The following CTIF variants were observed in gnomAD, a reference collection of about 807,000 sequenced individuals.
CTIF encodes cap binding complex dependent translation initiation factor.
Under a neutral mutation model 66.0 loss-of-function variants are expected in CTIF, and 21 were observed. The observed-to-expected ratio is 0.32, with a 90% CI of 0.23 to 0.46. The LOEUF (loss-of-function observed/expected upper bound fraction) is 0.46. Ranked by LOEUF, CTIF falls within the 20% of genes least tolerant of loss-of-function variation. The probability of loss-of-function intolerance (pLI) is 1.00; values close to 1 mark genes in which losing one functional copy is unlikely to be tolerated. For synonymous variants in CTIF, 345 were observed against 326.4 expected, an observed-to-expected ratio of 1.06 and a Z score of -0.62; for missense variants, 739 against 812.7, an observed-to-expected ratio of 0.91 and a Z score of 1.10.
intron 6 of CTIF, among the ~76,000 whole-genome samples, chr18:48,680,419 A>G (rs2091720639): frequency 6.6e-6 from 1 of 152,278 alleles, no homozygotes; most frequent in African/African-American, 2.4e-5. Context: ...GGCCAAGGCC[A>G]TCACACAGAC....
At chr18:48,767,195 A>G (rs1909651074) in intron 9 of CTIF, among the ~76,000 whole-genome samples, 1 of 152,216 alleles carries the variant, frequency 6.6e-6, no homozygotes. Context: ...TGCCTGGGTT[A>G]GAGAAGGAAC....
intron 7 of CTIF, among the ~76,000 whole-genome samples, chr18:48,717,885 A>G (rs1476092268): frequency 3.9e-5 from 6 of 151,976 alleles, no homozygotes; most frequent in East Asian, 1.9e-4. Context: ...ACCCGCCACC[A>G]CACCTGACTA....
At chr18:48,845,936 A>G (rs900019200) in intron 10 of CTIF, among the ~76,000 whole-genome samples, 4 of 151,936 alleles carry the variant, frequency 2.6e-5, no homozygotes, top group Non-Finnish European at 4.4e-5. Flanking sequence ...AGCCACCCCA[A>G]TTTTGCACAG....
intron 1 of CTIF, among the ~76,000 whole-genome samples, chr18:48,582,498 C>T (rs1484903806): frequency 2.0e-5 from 3 of 152,106 alleles, no homozygotes; most frequent in Non-Finnish European, 2.9e-5. Flanking sequence ...CATAGGACCA[C>T]GTCATGCCCT....
chr18:48,669,248 C>T (rs1407186093), intron 5 of CTIF, among the ~76,000 whole-genome samples: 1 of 152,002 alleles, frequency 6.6e-6, no homozygotes, highest in Non-Finnish European at 1.5e-5. Flanking sequence ...AATGTTTAAA[C>T]AATGAACTAG....
rs563867171 is a variant in CTIF at position 48,540,949 on chromosome 18, C to T, written c.-29+1637C>T. Among the ~76,000 whole-genome samples, 106 of 152,234 alleles carry T rather than the reference C, an allele frequency of 7.0e-4. 5 individuals are homozygous for T. In the South Asian group the frequency reaches 0.02, roughly 29 times the overall value. ...GTCTTCGGTGCAGGAGTCCCAGGTC[C>T]GCTGTGCGGCCGGAGTCACACAGCC... On this transcript the variant is annotated intron_variant, in intron 1 of 11. Transcript: ENST00000256413.
At chr18:48,593,747 T>TG (rs1491404073) in intron 1 of CTIF, among the ~76,000 whole-genome samples, 3 of 130,290 alleles carry the variant, frequency 2.3e-5, no homozygotes, top group African/African-American at 6.1e-5. Context: ...GTTTTTTGTT[T>TG]GTTTTTTTTT....
At chr18:48,622,499 G>A (rs181899377) in intron 2 of CTIF, among the ~76,000 whole-genome samples, 9 of 152,248 alleles carry the variant, frequency 5.9e-5, no homozygotes, top group Admixed American at 1.3e-4. Context: ...TGATACAGGA[G>A]AAAAGTCCTT....
intron 6 of CTIF, among the ~76,000 whole-genome samples, chr18:48,692,092 G>A (rs1326241530): frequency 6.6e-6 from 1 of 152,154 alleles, no homozygotes; most frequent in African/African-American, 2.4e-5. Flanking sequence ...ATGTTGGCCA[G>A]GTTGGTCTCA....
intron 9 of CTIF, among the ~76,000 whole-genome samples, chr18:48,803,397 T>G (rs2068083429): frequency 6.6e-6 from 1 of 152,228 alleles, no homozygotes; most frequent in South Asian, 2.1e-4. Flanking sequence ...TCATGTCCAT[T>G]GATTAGAGCA....
chr18:48,757,541 G>A (rs1542593), intron 7 of CTIF, among the ~76,000 whole-genome samples: 15,525 of 152,246 alleles, frequency 0.1, 880 homozygotes, highest in Non-Finnish European at 0.12. Flanking sequence ...ATTCACACAC[G>A]TGGAACGGCT....
In CTIF at chr18:48,800,148, G is replaced by A. The variant is rs1009984321; in HGVS notation, c.1372-17073G>A. On this transcript the variant is annotated intron_variant, in intron 9 of 11. Transcript: ENST00000256413. ...GGGTGAAGGTGGGGCACCTTGGTAT[G>A]CATGGTGACAGGATGGATTTTTCTT... Among the ~76,000 whole-genome samples, 3 of 152,338 alleles carry A rather than the reference G, an allele frequency of 2.0e-5. No individual in the cohort carries two copies. The East Asian group carries it at 5.8e-4, about 29-fold the overall frequency.
At chr18:48,652,597 C>T (rs144521366) in intron 3 of CTIF, among the ~76,000 whole-genome samples, 19 of 151,666 alleles carry the variant, frequency 1.3e-4, no homozygotes, top group Non-Finnish European at 2.2e-4. Flanking sequence ...CTATTCCAAT[C>T]GAAAAACAGG....
At chr18:48,793,052 G>T (rs576516395) in intron 9 of CTIF, among the ~76,000 whole-genome samples, 1 of 152,162 alleles carries the variant, frequency 6.6e-6, no homozygotes, top group Admixed American at 6.5e-5. Context: ...TAGAGCAGAA[G>T]CTGTGTCTCC....
chr18:48,775,475 G>A (rs1568209349), intron 9 of CTIF, among the ~76,000 whole-genome samples: 1 of 152,242 alleles, frequency 6.6e-6, no homozygotes, highest in African/African-American at 2.4e-5. Flanking sequence ...GGCACAGTAG[G>A]ACTTGAGGTT....
At chr18:48,547,102 A>C (rs951027513) in intron 1 of CTIF, among the ~76,000 whole-genome samples, 2 of 152,102 alleles carry the variant, frequency 1.3e-5, no homozygotes, top group African/African-American at 4.8e-5. Flanking sequence ...TAAGTGAGGG[A>C]GGAGAGAGAA....
rs1599177125 is a variant in CTIF at position 48,857,641 on chromosome 18, G to A, written c.1581G>A (p.Glu527=). 6.2e-7 allele frequency: 1 copy of A among 1,605,544 alleles called. No individual in the cohort carries two copies. The highest frequency in any genetic ancestry group is 8.5e-7 in the Non-Finnish European group (1 of 1,175,854). Residue 527 remains glutamate (E), a splice_region_variant and synonymous_variant, in exon 11 of 12, where the codon GAG becomes GAA. Transcript: ENST00000256413. ...KEDAVLCCSM[E]LQSTGRLLEE... ...ATGCTGTCCTTTGCTGCTCTATGGAGGTAAGCTTTGGGGCTTCGACATCCC... is the reference window on the plus strand; with the variant it reads ...ATGCTGTCCTTTGCTGCTCTATGGAAGTAAGCTTTGGGGCTTCGACATCCC...
chr18:48,664,532 C>G lies in CTIF; in HGVS notation c.412C>G (p.Pro138Ala). 6.2e-7 allele frequency: 1 copy of G among 1,612,346 alleles called. No individual in the cohort carries two copies. The highest frequency in any genetic ancestry group is 8.5e-7 in the Non-Finnish European group (1 of 1,179,944). The change falls in exon 5 of 12, where the codon CCA (proline) becomes GCA (alanine). Residue 138 changes from proline to alanine, a missense_variant. Coordinates refer to ENST00000256413, the MANE Select transcript of CTIF (RefSeq NM_014772.3). ...KVRHTPKQPL[P>A]HIDREGCGKG... Reference sequence around the variant, plus strand: ...CCGACACACGCCCAAGCAGCCCCTGCCACACATCGACCGCGAAGGGTAAGG... The same window carrying G: ...CCGACACACGCCCAAGCAGCCCCTGGCACACATCGACCGCGAAGGGTAAGG...
intron 9 of CTIF, among the ~76,000 whole-genome samples, chr18:48,799,987 A>T (rs536079410): frequency 6.6e-6 from 1 of 152,230 alleles, no homozygotes; most frequent in Admixed American, 6.5e-5. Flanking sequence ...ACAAGAGTGG[A>T]GGGCCTACTT....
Sources: gnomAD v4.1 joint callset for allele counts (sites outside exome capture counted in the v4.1 genomes callset) on GRCh38, gnomAD v4.1.1 for gene constraint, MANE v1.5 for transcripts, NCBI Gene and HGNC (gene_info 2026-07-23, HGNC 2026-07-21) for gene names.